Variants in WDR7 observed in about 807,000 individuals in gnomAD.
WDR7 encodes WD repeat-containing protein 7.
In WDR7, 46 loss-of-function variants were observed where a neutral mutation model predicts 169.4. The ratio of observed to expected loss-of-function variants is 0.27; its 90% CI spans 0.21 to 0.35. The LOEUF is 0.35. WDR7 is among the 10% of genes least tolerant of loss of function. The pLI is 1.00. For synonymous variants in WDR7, 612 were observed against 666.8 expected, an observed-to-expected ratio of 0.92 and a Z score of 1.27; for missense variants, 1,534 against 1,859.3, an observed-to-expected ratio of 0.83 and a Z score of 3.22.
chr18:56,762,881 TCTTAC>T (rs1180640054), intron 16 of WDR7, among the ~76,000 whole-genome samples: 1 of 146,678 alleles, frequency 6.8e-6, no homozygotes, highest in Non-Finnish European at 1.5e-5. Context: ...GTCCAATTTT[TCTTAC>T]CTTAGTAAGA....
intron 12 of WDR7, among the ~76,000 whole-genome samples, chr18:56,714,435 T>C (rs1294086531): frequency 6.6e-6 from 1 of 151,626 alleles, no homozygotes; most frequent in Non-Finnish European, 1.5e-5. Context: ...ATGTTTACTT[T>C]GGACGAAACT....
At chr18:56,756,451 T>C (rs1194389823) in intron 14 of WDR7, 132 bp from the exon 15 acceptor site, 1 of 794,472 alleles carries the variant, frequency 1.3e-6, no homozygotes, top group Non-Finnish European at 1.9e-6. Context: ...GTATGTTACT[T>C]TTCATGATAT....
At chr18:56,941,747 TCTCC>T (rs1253554915) in intron 25 of WDR7, among the ~76,000 whole-genome samples, 1 of 152,176 alleles carries the variant, frequency 6.6e-6, no homozygotes, top group Admixed American at 6.5e-5. Context: ...CTTTACACTT[TCTCC>T]TCAGGTCCAT....
intron 19 of WDR7, among the ~76,000 whole-genome samples, chr18:56,804,780 G>T (rs563066273): frequency 6.6e-6 from 1 of 152,298 alleles, no homozygotes; most frequent in African/African-American, 2.4e-5. Flanking sequence ...GAGATTTTGA[G>T]ACATTTTATT....
At chr18:56,719,955 A>T (rs189942454) in intron 13 of WDR7, among the ~76,000 whole-genome samples, 4 of 152,144 alleles carry the variant, frequency 2.6e-5, no homozygotes, top group Admixed American at 6.5e-5. Context: ...GTGCAATTGT[A>T]AGCTTGTGTG....
chr18:56,994,016 C>CTTTTTTTTTTT (rs35579782), intron 26 of WDR7, among the ~76,000 whole-genome samples: 21 of 129,198 alleles, frequency 1.6e-4, no homozygotes, highest in East Asian at 2.1e-4. Flanking sequence ...CTTTTTTTTT[C>CTTTTTTTTTTT]TTTTTTTTTT....
At chr18:56,752,211 T>C (rs2043804879) in intron 14 of WDR7, among the ~76,000 whole-genome samples, 1 of 152,184 alleles carries the variant, frequency 6.6e-6, no homozygotes, top group African/African-American at 2.4e-5. Flanking sequence ...AATACTGCTT[T>C]AGTGGCTCCC....
intron 12 of WDR7, among the ~76,000 whole-genome samples, chr18:56,698,777 G>T (rs1568144421): frequency 6.6e-6 from 1 of 152,284 alleles, no homozygotes; most frequent in East Asian, 1.9e-4. Context: ...TTGGCCTGGA[G>T]AATATGAGGA....
intron 26 of WDR7, among the ~76,000 whole-genome samples, chr18:56,963,087 A>G (rs2145776313): frequency 6.6e-6 from 1 of 152,208 alleles, no homozygotes; most frequent in Admixed American, 6.5e-5. Flanking sequence ...AAAATTATTG[A>G]TTTAGTTCCT....
chr18:56,798,670 T>A (rs916293939), intron 19 of WDR7, among the ~76,000 whole-genome samples: 3 of 152,210 alleles, frequency 2.0e-5, no homozygotes, highest in Admixed American at 6.5e-5. Context: ...TCTATGTTAT[T>A]TATGTAAAAT....
chr18:56,901,120 C>T (rs2046395236), intron 21 of WDR7, among the ~76,000 whole-genome samples: 1 of 152,178 alleles, frequency 6.6e-6, no homozygotes, highest in Admixed American at 6.5e-5. Context: ...TAATCATGGG[C>T]TAGGCATGAT....
intron 26 of WDR7, among the ~76,000 whole-genome samples, chr18:56,977,676 G>A (rs1396942752): frequency 3.3e-5 from 5 of 152,176 alleles, no homozygotes; most frequent in Non-Finnish European, 7.4e-5. Flanking sequence ...GCAGAGAAAG[G>A]TATTAAAAAC....
At chr18:56,682,880 T>A (rs1285964166) in intron 5 of WDR7, 27 bp downstream of exon 5, 1 of 1,595,618 alleles carries the variant, frequency 6.3e-7, no homozygotes. Flanking sequence ...TGTTAGGAGC[T>A]TTAGCACCAT....
At chr18:56,718,770 CGTT>C (rs2026250558) in intron 13 of WDR7, among the ~76,000 whole-genome samples, 1 of 152,142 alleles carries the variant, frequency 6.6e-6, no homozygotes, top group Non-Finnish European at 1.5e-5. Context: ...TTTTGAAACT[CGTT>C]GCTTTTTTAC....
chr18:56,805,490 T>C (rs2044757930), intron 19 of WDR7, among the ~76,000 whole-genome samples: 1 of 152,164 alleles, frequency 6.6e-6, no homozygotes, highest in Non-Finnish European at 1.5e-5. Flanking sequence ...CTTTCGAGAT[T>C]TCAACATTTA....
chr18:56,659,786 T>G (rs1351585506), intron 1 of WDR7, among the ~76,000 whole-genome samples: 2 of 151,928 alleles, frequency 1.3e-5, no homozygotes, highest in African/African-American at 4.8e-5. Context: ...GGCAGTTGTA[T>G]GTAGAGTTGG....
At chr18:56,735,873 T>C (rs545447104) in intron 14 of WDR7, among the ~76,000 whole-genome samples, 1 of 152,270 alleles carries the variant, frequency 6.6e-6, no homozygotes, top group Admixed American at 6.5e-5. Flanking sequence ...CCATGGGTCA[T>C]AGTTTGCCGA....
At chr18:57,022,047 A>T (rs9955983) in intron 27 of WDR7, among the ~76,000 whole-genome samples, 6,524 of 152,256 alleles carry the variant, frequency 0.043, 462 homozygotes, top group African/African-American at 0.15. Flanking sequence ...TATCTCCAGC[A>T]TCTTAATTCG....
intron 20 of WDR7, among the ~76,000 whole-genome samples, chr18:56,837,955 T>C (rs1330461221): frequency 1.5e-4 from 23 of 152,236 alleles, no homozygotes; most frequent in Admixed American, 1.5e-3. Context: ...AGAGCTGACC[T>C]ACTACTATTC....
Sources: allele counts gnomAD v4.1 joint callset (sites outside exome capture counted in the v4.1 genomes callset), GRCh38; gene constraint gnomAD v4.1.1; transcripts MANE v1.5; gene names NCBI Gene and HGNC (gene_info 2026-07-23, HGNC 2026-07-21).